Variants in PTH1R observed in about 807,000 individuals in gnomAD.
PTH1R encodes the protein parathyroid hormone 1 receptor.
In PTH1R, 32 loss-of-function variants were observed where a neutral mutation model predicts 70.7. The ratio of observed to expected loss-of-function variants is 0.45; its 90% confidence interval spans 0.34 to 0.61. The LOEUF is 0.61. PTH1R is among the 20% of genes least tolerant of loss of function. The probability of loss-of-function intolerance (pLI) is 0.01; values close to 1 mark genes in which losing one functional copy is unlikely to be tolerated. For missense variants in PTH1R, 626 were observed against 792.5 expected (o/e 0.79, Z 2.52); for synonymous variants, 329 against 324.8 (o/e 1.01, Z -0.14).
chr3:46,897,842 T>C lies in PTH1R; in HGVS notation c.314-13T>C. On this transcript the variant is annotated splice_polypyrimidine_tract_variant and intron_variant, in intron 5 of 15. Transcript: ENST00000449590. ...CCCTTGGTATCCCCTACCCTGTCTG[T>C]CTCTGGGCACAGGGCGCCCCTGTCT... 6.2e-7 allele frequency: 1 copy of C among 1,611,676 alleles called. No individual in the cohort carries two copies. Among genetic ancestry groups the C allele is most frequent in the Non-Finnish European group, 8.5e-7 (1 of 1,179,086 alleles).
In PTH1R at chr3:46,893,532, A is replaced by T. The variant is rs985983841; in HGVS notation, c.76-375A>T. On this transcript the variant is annotated intron_variant, in intron 3 of 15. Coordinates refer to ENST00000449590, the MANE Select transcript of PTH1R (RefSeq NM_000316.3). This position sits in a 1 kb window ranked among gnomAD's most constrained non-coding sequence, Gnocchi z 5.2. ...CTTATCCACCCCCTGCCCCCGACTC[A>T]TGTCCCCAGCAGGCAGCCAGGATCC... Among the ~76,000 whole-genome samples, 25 of 151,308 alleles carry T rather than the reference A, an allele frequency of 1.7e-4. No homozygotes were observed. Among genetic ancestry groups the T allele is most frequent in the African/African-American group, 5.6e-4 (23 of 41,104 alleles).
intron 3 of PTH1R, among the ~76,000 whole-genome samples, chr3:46,889,411 G>A (rs577620775): frequency 1.6e-4 from 25 of 152,284 alleles, no homozygotes; most frequent in South Asian, 6.2e-4. Context: ...AGATGATACC[G>A]TGGCTGGTGC....
rs760150215 is a variant in PTH1R, at chr3:46,893,976, G to A, written c.145G>A (p.Glu49Lys). The A allele has an allele frequency of 5.6e-6, 9 of 1,613,974 alleles. No individual in the cohort carries two copies. Among genetic ancestry groups the A allele is most frequent in the Admixed American group, 3.3e-5 (2 of 59,994 alleles). ...FLLHRAQAQCEKRLKEVLQRP... is the reference protein window; with the variant it reads ...FLLHRAQAQCKKRLKEVLQRP... ...GCTGCACCGTGCTCAGGCCCAGTGCGAAAAACGGCTCAAGGAGGTCCTGCA... is the reference window on the plus strand; with the variant it reads ...GCTGCACCGTGCTCAGGCCCAGTGCAAAAAACGGCTCAAGGAGGTCCTGCA... The change falls in exon 4 of 16, where the codon GAA becomes AAA. Residue 49 changes from glutamate to lysine, a missense_variant. Coordinates refer to ENST00000449590, the MANE Select transcript of PTH1R (RefSeq NM_000316.3). This position sits in a 1 kb window ranked among gnomAD's most constrained non-coding sequence, Gnocchi z 5.2.
intron 1 of PTH1R, among the ~76,000 whole-genome samples, chr3:46,878,258 G>A (rs887441623): frequency 5.3e-5 from 8 of 152,206 alleles, no homozygotes; most frequent in African/African-American, 1.9e-4. Flanking sequence ...ATGAGCAGCC[G>A]AAATGGCTGT....
chr3:46,883,471 C>A lies in PTH1R; in HGVS notation c.-48-41C>A, dbSNP rs2030796644. ...CCCATAGGCCGGGGCGTGGGCGGGG[C>A]GGCCAGCCTGACGCAGCTCTGCACC... On this transcript the variant is annotated intron_variant, in intron 2 of 15. Coordinates refer to ENST00000449590, the MANE Select transcript of PTH1R (RefSeq NM_000316.3). This position sits in a 1 kb window ranked among gnomAD's most constrained non-coding sequence, Gnocchi z 6.4. 1.8e-6 allele frequency: 2 copies of A among 1,134,886 alleles called. No individual in the cohort carries two copies. The highest frequency in any genetic ancestry group is 1.1e-6 in the Non-Finnish European group (1 of 893,912). 70.3% of individuals were successfully genotyped at this position (1,134,886 alleles called of 1,614,324 possible).
intron 4 of PTH1R, 123 bp from the exon 5 acceptor site, chr3:46,895,612 G>A (rs2031703978): frequency 6.8e-7 from 1 of 1,463,842 alleles, no homozygotes; most frequent in Non-Finnish European, 9.5e-7. Context: ...CAACAGCCTA[G>A]GTGTCACCAG....
Position 46,893,323 on chromosome 3 carries a change from C to A in PTH1R, c.76-584C>A, listed in dbSNP as rs1205559168. Among the ~76,000 whole-genome samples the A allele has an allele frequency of 1.3e-5, 2 of 152,276 alleles. No individual in the cohort carries two copies. Among genetic ancestry groups the A allele is most frequent in the African/African-American group, 4.8e-5 (2 of 41,558 alleles). On this transcript the variant is annotated intron_variant, in intron 3 of 15. Transcript: ENST00000449590. The surrounding 1 kb of genome is among the most constrained non-coding windows in gnomAD (Gnocchi z 5.2). Reference sequence around the variant, plus strand: ...CCCAGGCCGCATGCCAACAGTTCCTCCATCCTCTCTTTCTCTCTCTTGGGA... The same window carrying A: ...CCCAGGCCGCATGCCAACAGTTCCTACATCCTCTCTTTCTCTCTCTTGGGA...
Position 46,892,767 on chromosome 3 carries a change from C to T in PTH1R, c.76-1140C>T. 1.0e-6 allele frequency: 1 copy of T among 985,806 alleles called. No individual in the cohort carries two copies. Among genetic ancestry groups the T allele is most frequent in the Non-Finnish European group, 1.2e-6 (1 of 830,184 alleles). 61.1% of individuals were successfully genotyped at this position (985,806 alleles called of 1,614,324 possible). On this transcript the variant is annotated intron_variant, in intron 3 of 15. Transcript: ENST00000449590. The surrounding 1 kb of genome is among the most constrained non-coding windows in gnomAD (Gnocchi z 5.2). ...GGGCCCCGGCCCCGCCTTGGCGCGT[C>T]TGAAGGATGCAGCTCTGCCGCGGAG...
chr3:46,897,170 C>T (rs555309835), intron 5 of PTH1R, among the ~76,000 whole-genome samples: 1 of 152,300 alleles, frequency 6.6e-6, no homozygotes, highest in East Asian at 1.9e-4. Flanking sequence ...GAAGGTGGTT[C>T]CAAGAGCAGA....
At chr3:46,885,319 C>T (rs553405974) in intron 3 of PTH1R, among the ~76,000 whole-genome samples, 19 of 152,136 alleles carry the variant, frequency 1.2e-4, no homozygotes, top group African/African-American at 4.1e-4. Context: ...CCTGTGCACC[C>T]GGGCCTGTTG....
At position 46,893,880 on chromosome 3, in the gene PTH1R, C is replaced by T; in HGVS notation, c.76-27C>T. On this transcript the variant is annotated intron_variant, in intron 3 of 15. Transcript: ENST00000449590. The surrounding 1 kb of genome is among the most constrained non-coding windows in gnomAD (Gnocchi z 5.2). ...CCTGCTGCTGCGCCGGAAAGTCCTG[C>T]CTGTGGTCTGACCTTCGGCTTGGCA... 1.2e-6 allele frequency: 2 copies of T among 1,610,246 alleles called. No individual in the cohort carries two copies. The highest frequency in any genetic ancestry group is 1.7e-6 in the Non-Finnish European group (2 of 1,177,130).
Position 46,892,293 on chromosome 3 carries a change from G to A in PTH1R, c.76-1614G>A, listed in dbSNP as rs1252535654. On this transcript the variant is annotated intron_variant, in intron 3 of 15. Transcript: ENST00000449590. This position sits in a 1 kb window ranked among gnomAD's most constrained non-coding sequence, Gnocchi z 5.2. ...CAGACGCAAAGGCTAAGGAGCTGCCGCCTCACTCACAGACGCACACACGCC... is the reference window on the plus strand; with the variant it reads ...CAGACGCAAAGGCTAAGGAGCTGCCACCTCACTCACAGACGCACACACGCC... 1.3e-5 allele frequency among the ~76,000 whole-genome samples: 2 copies of A among 152,178 alleles called. No individual in the cohort carries two copies. Among genetic ancestry groups the A allele is most frequent in the Non-Finnish European group, 2.9e-5 (2 of 68,024 alleles).
At position 46,890,618 on chromosome 3, in the gene PTH1R, T is replaced by C. The variant is rs924485834; in HGVS notation, c.76-3289T>C. On this transcript the variant is annotated intron_variant, in intron 3 of 15. Coordinates refer to ENST00000449590, the MANE Select transcript of PTH1R (RefSeq NM_000316.3). The stretch of plus-strand genomic sequence containing the variant: ...CCCAGGTTTGAGCGATTCTGCTGCC[T>C]CGGCCTCCCGAGTAGCTGGGATTAC... 2.0e-5 allele frequency among the ~76,000 whole-genome samples: 3 copies of C among 148,452 alleles called. No homozygotes were observed. The Admixed American group carries it at 2.1e-4, about 10-fold the overall frequency.
At position 46,883,452 on chromosome 3, in the gene PTH1R, G is replaced by C. The variant is rs2030794765; in HGVS notation, c.-48-60G>C. On this transcript the variant is annotated intron_variant, in intron 2 of 15. Transcript: ENST00000449590. The surrounding 1 kb of genome is among the most constrained non-coding windows in gnomAD (Gnocchi z 6.4). ...GCCGCCGGGACGCCGGGGTCCCATA[G>C]GCCGGGGCGTGGGCGGGGCGGCCAG... 1 of 991,040 alleles carries C rather than the reference G, an allele frequency of 1.0e-6. No individual in the cohort carries two copies. The highest frequency in any genetic ancestry group is 4.4e-5 in the Admixed American group (1 of 22,560). The allele number at this position is 991,040 out of a possible 1,614,324, so 61.4% of individuals were successfully genotyped here.
Position 46,893,838 on chromosome 3 carries a change from T to G in PTH1R, c.76-69T>G. The G allele has an allele frequency of 2.1e-6, 3 of 1,445,312 alleles. No individual in the cohort carries two copies. The highest frequency in any genetic ancestry group is 1.4e-5 in the African/African-American group (1 of 71,836). The allele number at this position is 1,445,312 out of a possible 1,614,324, so 89.5% of individuals were successfully genotyped here. A position where few individuals can be genotyped will look rare whatever the true frequency, so the allele number is the denominator to read the frequency against. ...GAAAGGGGGTAGTCCCTCTGGGAAATTGGGATGTCTCTGGGACCTGCTGCT... is the reference window on the plus strand; with the variant it reads ...GAAAGGGGGTAGTCCCTCTGGGAAAGTGGGATGTCTCTGGGACCTGCTGCT... On this transcript the variant is annotated intron_variant, in intron 3 of 15. Coordinates refer to ENST00000449590, the MANE Select transcript of PTH1R (RefSeq NM_000316.3). The surrounding 1 kb of genome is among the most constrained non-coding windows in gnomAD (Gnocchi z 5.2).
At chr3:46,899,277 C>CA in intron 9 of PTH1R, 26 bp from the exon 10 acceptor site, 6 of 1,613,748 alleles carry the variant, frequency 3.7e-6, no homozygotes, top group Non-Finnish European at 5.1e-6. Flanking sequence ...GCCCTGCCCT[C>CA]TGACTAACAC....
chr3:46,899,194 C>T (rs1025364430), intron 9 of PTH1R, 109 bp from the exon 10 acceptor site: 12 of 1,471,348 alleles, frequency 8.2e-6, no homozygotes, highest in Non-Finnish European at 1.1e-5. Flanking sequence ...CCTTCCTGGC[C>T]TGTTTGGCCG....
chr3:46,899,352 A>G lies in PTH1R; in HGVS notation c.884A>G (p.Asn295Ser). 1 of 1,614,038 alleles carries G rather than the reference A, an allele frequency of 6.2e-7. No homozygotes were observed. The change falls in exon 10 of 16, where the codon AAC becomes AGC. Residue 295 changes from asparagine (N) to serine (S), a missense_variant. By Grantham distance (46) the Asn-to-Ser change is conservative. Coordinates refer to ENST00000449590, the MANE Select transcript of PTH1R (RefSeq NM_000316.3). ...TTCTTCCTTTACTTCCTGGCCACCA[A>G]CTACTACTGGATTCTGGTGGAGGGG... ...VTFFLYFLAT[N>S]YYWILVEGLY...
At chr3:46,885,702 C>A (rs565062678) in intron 3 of PTH1R, among the ~76,000 whole-genome samples, 2 of 152,138 alleles carry the variant, frequency 1.3e-5, no homozygotes, top group African/African-American at 2.4e-5. Context: ...TCCCTGGCTT[C>A]GGGGCCAGAA....
Sources: allele counts gnomAD v4.1 joint callset (sites outside exome capture counted in the v4.1 genomes callset), GRCh38; gene constraint gnomAD v4.1.1; non-coding constraint Gnocchi (gnomAD v3.1); transcripts MANE v1.5; gene names NCBI Gene and HGNC (gene_info 2026-07-23, HGNC 2026-07-21).